PARP8: variants seen among roughly 807,000 people sequenced by gnomAD.
The protein encoded by PARP8 is poly(ADP-ribose) polymerase family member 8, also known as protein mono-ADP-ribosyltransferase PARP8.
PARP8 carries 51 observed loss-of-function variants against 124.1 expected under a neutral mutation model. That is an observed-to-expected ratio of 0.41 (90% CI 0.33 to 0.52). The LOEUF (loss-of-function observed/expected upper bound fraction) is 0.52. Ranked by LOEUF, PARP8 falls within the 20% of genes least tolerant of loss-of-function variation. The pLI is 0.21. For missense variants in PARP8, 860 were observed against 1,018.9 expected (o/e 0.84, Z 2.12); for synonymous variants, 391 against 361.5 (o/e 1.08, Z -0.93).
chr5:50,834,695 G>C (rs1321441667), intron 24 of PARP8: 21 of 511,766 alleles, frequency 4.1e-5, no homozygotes, highest in Non-Finnish European at 7.0e-5. Flanking sequence ...GTAATACTTA[G>C]ATGAGTCCCT....
In PARP8 at chr5:50,760,326, A is replaced by T; in HGVS notation, c.309A>T (p.Leu103Phe). 1.3e-6 allele frequency: 2 copies of T among 1,533,050 alleles called. No individual in the cohort carries two copies. Among genetic ancestry groups the T allele is most frequent in the South Asian group, 1.2e-5 (1 of 83,758 alleles). 95.0% of individuals were successfully genotyped at this position (1,533,050 alleles called of 1,614,324 possible). Residue 103 changes from leucine (L) to phenylalanine (F), a missense_variant, in exon 5 of 26, where the codon TTA becomes TTT. Leu to Phe is a conservative substitution (Grantham distance 22). This residue lies in a region of PARP8 where 517 missense variants were observed against 544.2 expected (regional missense o/e 0.95). Transcript: ENST00000281631. ...LRKTNDINCC[L>F]SIKSKLQKEN... ...AAACAAATGACATTAACTGTTGCTT[A>T]TCCATAAAATCCAAATTACAAAAGG...
intron 2 of PARP8, among the ~76,000 whole-genome samples, chr5:50,714,036 T>G (rs1213010093): frequency 1.3e-5 from 2 of 152,104 alleles, no homozygotes; most frequent in Non-Finnish European, 2.9e-5. Context: ...GATGATACAT[T>G]TGTGGCATTT....
intron 17 of PARP8, among the ~76,000 whole-genome samples, chr5:50,824,010 TACA>T (rs1746061342): frequency 2.0e-5 from 3 of 152,364 alleles, no homozygotes; most frequent in South Asian, 4.1e-4. Context: ...TCTGAATAAA[TACA>T]ACATTATACT....
At chr5:50,822,289 C>T in intron 16 of PARP8, 46 bp from the exon 17 acceptor site, 1 of 1,355,432 alleles carries the variant, frequency 7.4e-7, no homozygotes, top group Non-Finnish European at 1.1e-6. Flanking sequence ...CTTGCAAGAG[C>T]TTATAAGCAA....
intron 2 of PARP8, among the ~76,000 whole-genome samples, chr5:50,688,087 G>A (rs1210402058): frequency 1.3e-5 from 2 of 152,136 alleles, no homozygotes; most frequent in Non-Finnish European, 2.9e-5. Flanking sequence ...AGGCTCAGGG[G>A]ATCTTCCTAC....
rs1745732793 is a variant in PARP8, at chr5:50,821,247, C to T, written c.1703C>T (p.Ala568Val). The change falls in exon 16 of 26, where the codon GCG becomes GTG. Residue 568 changes from alanine to valine, a missense_variant. Around this residue, in one of 2 missense-constraint regions of PARP8, gnomAD observed 343 missense variants for 474.7 expected, o/e 0.72. Coordinates refer to ENST00000281631, the MANE Select transcript of PARP8 (RefSeq NM_024615.4). ...CTACTAGTATCCATGTGTAGGTCTGCGTTGGAATCTCCTAGAAAAGTTGTG... is the reference window on the plus strand; with the variant it reads ...CTACTAGTATCCATGTGTAGGTCTGTGTTGGAATCTCCTAGAAAAGTTGTG... ...VDLLVSMCRS[A>V]LESPRKVVIF... The T allele has an allele frequency of 1.2e-6, 2 of 1,611,842 alleles. No individual in the cohort carries two copies. Among genetic ancestry groups the T allele is most frequent in the Non-Finnish European group, 1.7e-6 (2 of 1,179,008 alleles).
At chr5:50,679,453 A>T (rs987193444) in intron 2 of PARP8, among the ~76,000 whole-genome samples, 4 of 152,004 alleles carry the variant, frequency 2.6e-5, no homozygotes, top group African/African-American at 9.7e-5. Context: ...TCTTTAGTTG[A>T]ATTGTGTTAT....
rs1217853772 is a variant in PARP8 at position 50,846,002 on chromosome 5, A to G, written c.*3934A>G. On this transcript the variant is annotated 3_prime_UTR_variant, in exon 26 of 26. Coordinates refer to ENST00000281631, the MANE Select transcript of PARP8 (RefSeq NM_024615.4). The stretch of plus-strand genomic sequence containing the variant: ...TTTGTAGGTCAGAAGAATTTCAAGT[A>G]GTTTTTAGACAAAACATATCCATGA... 1 of 151,844 alleles carries G rather than the reference A, an allele frequency of 6.6e-6. No individual in the cohort carries two copies. The highest frequency in any genetic ancestry group is 6.6e-5 in the Admixed American group (1 of 15,188). The allele number at this position is 151,844 out of a possible 1,614,324, so 9.4% of individuals were successfully genotyped here. A position where few individuals can be genotyped will look rare whatever the true frequency, so the allele number is the denominator to read the frequency against.
chr5:50,705,651 GGCGT>G (rs1381570197), intron 2 of PARP8, among the ~76,000 whole-genome samples: 1 of 152,102 alleles, frequency 6.6e-6, no homozygotes, highest in Non-Finnish European at 1.5e-5. Flanking sequence ...TGGGCGTGAT[GGCGT>G]GCGCCTGTAA....
At chr5:50,789,813 C>T (rs1470554355) in intron 10 of PARP8, among the ~76,000 whole-genome samples, 1 of 152,032 alleles carries the variant, frequency 6.6e-6, no homozygotes, top group Non-Finnish European at 1.5e-5. Flanking sequence ...TGGTTTAGGC[C>T]TTTCATAATG....
intron 2 of PARP8, among the ~76,000 whole-genome samples, chr5:50,729,525 T>C (rs1756765475): frequency 6.6e-6 from 1 of 152,176 alleles, no homozygotes. Context: ...GCCTTAATAT[T>C]CTTGCGTGTA....
At position 50,667,517 on chromosome 5, in the gene PARP8, G is replaced by A. The variant is rs1407083592; in HGVS notation, c.91+331G>A. The A allele has an allele frequency of 8.6e-6, 6 of 697,316 alleles. No homozygotes were observed. In the Admixed American group the frequency reaches 1.2e-4, roughly 14 times the overall value. 43.2% of individuals were successfully genotyped at this position (697,316 alleles called of 1,614,324 possible). On this transcript the variant is annotated intron_variant, in intron 1 of 25. Coordinates refer to ENST00000281631, the MANE Select transcript of PARP8 (RefSeq NM_024615.4). The stretch of plus-strand genomic sequence containing the variant: ...CTCCAAGCACGCTTCCTGGGTTCCA[G>A]CAGCGGCGGCAGAGCGGGGTTGGTT...
At chr5:50,723,374 A>T (rs1756101777) in intron 2 of PARP8, among the ~76,000 whole-genome samples, 1 of 152,072 alleles carries the variant, frequency 6.6e-6, no homozygotes, top group Non-Finnish European at 1.5e-5. Context: ...TTTCTAAATT[A>T]AACAGTTGCC....
At chr5:50,813,857 A>G (rs377654395) in intron 14 of PARP8, among the ~76,000 whole-genome samples, 1 of 152,136 alleles carries the variant, frequency 6.6e-6, no homozygotes, top group African/African-American at 2.4e-5. Context: ...ACACACAAAT[A>G]TACGTATTTA....
chr5:50,801,040 G>T (rs188105107), intron 14 of PARP8, among the ~76,000 whole-genome samples: 21 of 152,126 alleles, frequency 1.4e-4, no homozygotes, highest in African/African-American at 4.8e-4. Flanking sequence ...TTACAGGTGT[G>T]AGCCATCACA....
At chr5:50,814,589 A>T (rs980190599) in intron 14 of PARP8, among the ~76,000 whole-genome samples, 3 of 152,106 alleles carry the variant, frequency 2.0e-5, no homozygotes, top group African/African-American at 7.2e-5. Flanking sequence ...AAAGCCATGC[A>T]TATGGGCCAA....
At chr5:50,759,784 C>CT in intron 4 of PARP8, 52 bp downstream of exon 4, 3 of 1,504,344 alleles carry the variant, frequency 2.0e-6, no homozygotes, top group Admixed American at 2.5e-5. Flanking sequence ...ATTGCATTAT[C>CT]TTTTTTTGTT....
chr5:50,705,395 A>G (rs1165746536), intron 2 of PARP8, among the ~76,000 whole-genome samples: 1 of 152,210 alleles, frequency 6.6e-6, no homozygotes, highest in Non-Finnish European at 1.5e-5. Flanking sequence ...TAAAAATAAT[A>G]GTGTCTATAT....
rs1246321583 is a variant in PARP8 at position 50,846,181 on chromosome 5, T to A, written c.*4113T>A. The A allele has an allele frequency of 2.0e-5, 3 of 151,840 alleles. No individual in the cohort carries two copies. The highest frequency in any genetic ancestry group is 4.4e-5 in the Non-Finnish European group (3 of 67,750). The allele number at this position is 151,840 out of a possible 1,614,324, so 9.4% of individuals were successfully genotyped here. On this transcript the variant is annotated 3_prime_UTR_variant, in exon 26 of 26. Transcript: ENST00000281631. ...TATTTAATGTATCATTTGAGATTTTTAAAAATGCATCCGCTCCATTATGTA... is the reference window on the plus strand; with the variant it reads ...TATTTAATGTATCATTTGAGATTTTAAAAAATGCATCCGCTCCATTATGTA...
Sources: allele counts gnomAD v4.1 joint callset (sites outside exome capture counted in the v4.1 genomes callset), GRCh38; gene constraint gnomAD v4.1.1; regional missense constraint gnomAD v4.1.1; transcripts MANE v1.5; gene names NCBI Gene and HGNC (gene_info 2026-07-23, HGNC 2026-07-21).